The following PPARGC1A variants were observed in gnomAD, a reference collection of about 807,000 sequenced individuals.
The protein encoded by PPARGC1A is peroxisome proliferator-activated receptor gamma coactivator 1-alpha.
Under a neutral mutation model 88.7 loss-of-function variants are expected in PPARGC1A, and 25 were observed. That is an observed-to-expected ratio of 0.28 (90% CI 0.21 to 0.39). PPARGC1A has a LOEUF of 0.39. Among genes scored for constraint, PPARGC1A ranks in the 10% least tolerant of loss-of-function variants. The pLI is 1.00. For synonymous variants in PPARGC1A, 363 were observed against 355.6 expected (o/e 1.02, Z -0.24); for missense variants, 880 against 968.7 (o/e 0.91, Z 1.22).
the PPARGC1A span, among the ~76,000 whole-genome samples, chr4:24,027,233 G>C: frequency 1.3e-5 from 2 of 150,164 alleles, no homozygotes; most frequent in African/African-American, 5.0e-5. Flanking sequence ...GTGTCTGTGT[G>C]TGTCTGTGTG....
the PPARGC1A span, among the ~76,000 whole-genome samples, chr4:24,089,218 C>T: frequency 1.8e-4 from 27 of 152,248 alleles, no homozygotes; most frequent in African/African-American, 6.5e-4. Context: ...AAGAAGTCAC[C>T]CTCGCCACAA....
the PPARGC1A span, among the ~76,000 whole-genome samples, chr4:23,951,757 T>C: frequency 2.0e-5 from 3 of 152,168 alleles, no homozygotes; most frequent in African/African-American, 7.2e-5. Flanking sequence ...GGTCTCTCAA[T>C]CTAGAACCCA....
chr4:23,923,286 A>T, the PPARGC1A span, among the ~76,000 whole-genome samples: 3 of 152,200 alleles, frequency 2.0e-5, no homozygotes, highest in Non-Finnish European at 2.9e-5. Flanking sequence ...TATGCAGGTC[A>T]GCAGAGGTAA....
the PPARGC1A span, among the ~76,000 whole-genome samples, chr4:24,442,955 C>T: frequency 6.6e-6 from 1 of 152,148 alleles, no homozygotes. Flanking sequence ...CTTAGGGACG[C>T]AAAGACAAGC....
the PPARGC1A span, among the ~76,000 whole-genome samples, chr4:24,117,091 T>C: frequency 4.6e-5 from 7 of 152,120 alleles, no homozygotes; most frequent in Non-Finnish European, 1.0e-4. Context: ...TAGGTTCCTC[T>C]GACAGGATTA....
At chr4:24,438,356 G>T in the PPARGC1A span, among the ~76,000 whole-genome samples, 2 of 152,154 alleles carry the variant, frequency 1.3e-5, no homozygotes, top group African/African-American at 4.8e-5. Flanking sequence ...CACCAGAGGC[G>T]AGGGTATGAT....
At chr4:24,341,487 C>A in the PPARGC1A span, among the ~76,000 whole-genome samples, 31 of 152,232 alleles carry the variant, frequency 2.0e-4, no homozygotes, top group Non-Finnish European at 3.1e-4. Context: ...AGCCTGCAGT[C>A]TAGCGGGTGA....
the PPARGC1A span, among the ~76,000 whole-genome samples, chr4:24,264,815 T>C: frequency 3.3e-5 from 5 of 152,248 alleles, no homozygotes; most frequent in African/African-American, 1.2e-4. Flanking sequence ...TTTGCCTATT[T>C]GTTTCCTCTG....
the PPARGC1A span, among the ~76,000 whole-genome samples, chr4:24,034,541 G>A: frequency 2.0e-5 from 3 of 152,102 alleles, no homozygotes; most frequent in Non-Finnish European, 2.9e-5. Flanking sequence ...AATATTCACA[G>A]GAGAAATAAT....
the PPARGC1A span, among the ~76,000 whole-genome samples, chr4:24,284,526 C>T: frequency 3.9e-5 from 6 of 152,144 alleles, no homozygotes; most frequent in Admixed American, 2.0e-4. Flanking sequence ...AAAAGGGCTT[C>T]AAAGGGGCAG....
At chr4:23,913,302 AGAGAG>A in the PPARGC1A span, among the ~76,000 whole-genome samples, 10 of 142,828 alleles carry the variant, frequency 7.0e-5, no homozygotes, top group Admixed American at 1.4e-4. Flanking sequence ...AGAGAGAGAG[AGAGAG>A]AAAGAGAAAA....
At chr4:24,350,373 A>T in the PPARGC1A span, among the ~76,000 whole-genome samples, 1 of 152,240 alleles carries the variant, frequency 6.6e-6, no homozygotes, top group African/African-American at 2.4e-5. Context: ...TTACACAAAT[A>T]GCATCTGAAA....
At chr4:24,416,764 C>T in the PPARGC1A span, among the ~76,000 whole-genome samples, 1 of 152,138 alleles carries the variant, frequency 6.6e-6, no homozygotes, top group African/African-American at 2.4e-5. Flanking sequence ...GGCACAGTGG[C>T]TCACGCCTGT....
chr4:24,100,826 A>T, the PPARGC1A span, among the ~76,000 whole-genome samples: 1 of 152,214 alleles, frequency 6.6e-6, no homozygotes, highest in Non-Finnish European at 1.5e-5. Context: ...CCAGGAAAGC[A>T]TTATGACGGG....
chr4:24,047,844 T>A, the PPARGC1A span, among the ~76,000 whole-genome samples: 1 of 152,166 alleles, frequency 6.6e-6, no homozygotes, highest in Admixed American at 6.5e-5. Flanking sequence ...TTAATGCCAC[T>A]CTTAATCTTA....
intron 2 of PPARGC1A, among the ~76,000 whole-genome samples, 190 bp from the exon 3 acceptor site, chr4:23,831,941 C>G (rs1051456041): frequency 7.2e-5 from 11 of 152,042 alleles, no homozygotes; most frequent in Admixed American, 3.9e-4. Context: ...TAATGAATAC[C>G]TCTACTCTAC....
At chr4:24,006,285 G>A in the PPARGC1A span, among the ~76,000 whole-genome samples, 3 of 152,272 alleles carry the variant, frequency 2.0e-5, no homozygotes, top group South Asian at 2.1e-4. Flanking sequence ...CTGACCTCAA[G>A]TGATCTGCCC....
chr4:24,272,866 T>C, the PPARGC1A span, among the ~76,000 whole-genome samples: 133,182 of 152,236 alleles, frequency 0.87, 58,357 homozygotes, highest in East Asian at 1. Flanking sequence ...CTGTTTCCAG[T>C]GCAATAGATC....
chr4:24,467,050 A>G, the PPARGC1A span, among the ~76,000 whole-genome samples: 17 of 120,212 alleles, frequency 1.4e-4, no homozygotes, highest in South Asian at 1.6e-3. Context: ...GAGAGAGAGA[A>G]AAAGAAAGAA....
Sources: gnomAD v4.1 joint callset for allele counts (sites outside exome capture counted in the v4.1 genomes callset) on GRCh38, gnomAD v4.1.1 for gene constraint, MANE v1.5 for transcripts, NCBI Gene and HGNC (gene_info 2026-07-23, HGNC 2026-07-21) for gene names.